The following FAM222B variants were observed in gnomAD, a reference collection of about 807,000 sequenced individuals.
FAM222B encodes family with sequence similarity 222 member B, also known as protein FAM222B.
Under a neutral mutation model 38.0 loss-of-function variants are expected in FAM222B, and 12 were observed. The observed-to-expected ratio is 0.32, with a 90% CI of 0.20 to 0.51. The LOEUF (loss-of-function observed/expected upper bound fraction) is 0.51, where lower values mean the gene tolerates loss of function less well. Among genes scored for constraint, FAM222B ranks in the 20% least tolerant of loss-of-function variants. The pLI, the probability that FAM222B is intolerant of heterozygous loss-of-function variation, is 0.97. For synonymous variants in FAM222B, 329 were observed against 317.2 expected (o/e 1.04, Z -0.40); for missense variants, 716 against 754.2 (o/e 0.95, Z 0.59).
At chr17:28,829,419 AACT>A in intron 1 of FAM222B, among the ~76,000 whole-genome samples, 1 of 145,800 alleles carries the variant, frequency 6.9e-6, no homozygotes, top group Non-Finnish European at 1.5e-5. Flanking sequence ...GATCCGCCCC[AACT>A]CGGCCTCCCA....
At chr17:28,818,460 G>A (rs578016847) in intron 1 of FAM222B, among the ~76,000 whole-genome samples, 7 of 151,502 alleles carry the variant, frequency 4.6e-5, no homozygotes, top group African/African-American at 1.2e-4. Flanking sequence ...CCTGGGAGGC[G>A]GAGCTTGCAG....
Position 28,773,691 on chromosome 17 carries a change from G to C in FAM222B, c.-40-6984C>G, listed in dbSNP as rs1168103526. Among the ~76,000 whole-genome samples the C allele has an allele frequency of 2.6e-5, 4 of 151,844 alleles. No individual in the cohort carries two copies. The South Asian group carries it at 8.3e-4, about 32-fold the overall frequency. ...CATGTGCTTGTAATCCCAGCTACTC[G>C]AGAGGCTGAGGCAGGAGAATCACCT... On this transcript the variant is annotated intron_variant, in intron 1 of 2. Coordinates refer to ENST00000581407, the MANE Select transcript of FAM222B (RefSeq NM_001077498.3).
intron 1 of FAM222B, among the ~76,000 whole-genome samples, chr17:28,824,078 C>T (rs1017599496): frequency 6.6e-6 from 1 of 151,968 alleles, no homozygotes; most frequent in Non-Finnish European, 1.5e-5. Context: ...AGGGTTTCAC[C>T]GTGTTAGCCA....
chr17:28,768,243 A>G (rs1224502967), intron 1 of FAM222B, among the ~76,000 whole-genome samples: 1 of 152,186 alleles, frequency 6.6e-6, no homozygotes, highest in Non-Finnish European at 1.5e-5. Flanking sequence ...CTCAAAAGTT[A>G]AAGACGACAA....
At chr17:28,799,253 G>A (rs1018774618) in intron 1 of FAM222B, among the ~76,000 whole-genome samples, 33 of 149,168 alleles carry the variant, frequency 2.2e-4, no homozygotes, top group African/African-American at 7.6e-4. Flanking sequence ...GATTACAGGT[G>A]TGAGCCACCG....
rs1200553850 is a variant in FAM222B, at chr17:28,759,875, C to A, written c.84G>T (p.Trp28Cys). 1 of 1,521,396 alleles carries A rather than the reference C, an allele frequency of 6.6e-7. No individual in the cohort carries two copies. 94.2% of individuals were successfully genotyped at this position (1,521,396 alleles called of 1,614,324 possible). A position where few individuals can be genotyped will look rare whatever the true frequency, so the allele number is the denominator to read the frequency against. Residue 28 changes from tryptophan to cysteine, a missense_variant and splice_region_variant, in exon 3 of 3, where the codon TGG becomes TGT. Coordinates refer to ENST00000581407, the MANE Select transcript of FAM222B (RefSeq NM_001077498.3). The surrounding 1 kb of genome is among the most constrained non-coding windows in gnomAD (Gnocchi z 4.8). ...HTQMNTGLQK[W>C]DTTQKMRTAH... ...CAGTTCTCATTTTCTGTGTAGTGTC[C>A]CCTAGAGAGAGAGAATGGGAAGGAG...
intron 2 of FAM222B, among the ~76,000 whole-genome samples, chr17:28,763,445 A>G (rs867312249): frequency 6.6e-6 from 1 of 152,254 alleles, no homozygotes; most frequent in Non-Finnish European, 1.5e-5. Flanking sequence ...CTGAGAGTTA[A>G]ATGTAACAGA....
chr17:28,819,724 A>G (rs1325790488), intron 1 of FAM222B, among the ~76,000 whole-genome samples: 1 of 152,212 alleles, frequency 6.6e-6, no homozygotes, highest in Non-Finnish European at 1.5e-5. Context: ...GTTGAAGCCA[A>G]TCCCTAAGCC....
At chr17:28,795,812 C>T (rs570298114) in intron 1 of FAM222B, among the ~76,000 whole-genome samples, 67 of 151,934 alleles carry the variant, frequency 4.4e-4, no homozygotes, top group African/African-American at 1.5e-3. Flanking sequence ...CAGATTGTAC[C>T]TTGCCAATTA....
At chr17:28,779,842 TG>T (rs763794085) in intron 1 of FAM222B, among the ~76,000 whole-genome samples, 117 of 151,904 alleles carry the variant, frequency 7.7e-4, no homozygotes, top group Non-Finnish European at 5.7e-4. Flanking sequence ...CTCAACAAAT[TG>T]GGTATAAAAG....
chr17:28,803,292 G>A (rs1459023678), intron 1 of FAM222B, among the ~76,000 whole-genome samples: 2 of 152,062 alleles, frequency 1.3e-5, no homozygotes, highest in Non-Finnish European at 2.9e-5. Flanking sequence ...ACAGGCATGA[G>A]CCACCGTACC....
At chr17:28,784,475 G>GT (rs1354356200) in intron 1 of FAM222B, among the ~76,000 whole-genome samples, 1 of 85,386 alleles carries the variant, frequency 1.2e-5, no homozygotes, top group Non-Finnish European at 2.2e-5. Context: ...CAACAACAGA[G>GT]TAAGATCCCC....
intron 1 of FAM222B, among the ~76,000 whole-genome samples, chr17:28,825,774 A>AT (rs1439876683): frequency 3.3e-5 from 5 of 152,024 alleles, no homozygotes; most frequent in Non-Finnish European, 7.4e-5. Context: ...ACTGATTTTT[A>AT]TTTATTTTGT....
At chr17:28,830,833 A>G (rs560543398) in intron 1 of FAM222B, among the ~76,000 whole-genome samples, 1 of 149,130 alleles carries the variant, frequency 6.7e-6, no homozygotes. Flanking sequence ...TAAAAAAAAA[A>G]TAAAATAAAA....
intron 1 of FAM222B, among the ~76,000 whole-genome samples, chr17:28,778,877 G>A (rs1229940664): frequency 3.3e-5 from 5 of 150,388 alleles, no homozygotes; most frequent in African/African-American, 9.8e-5. Flanking sequence ...TTTTCATTAC[G>A]TTATATAATA....
chr17:28,833,079 T>C (rs2038721158), intron 1 of FAM222B, among the ~76,000 whole-genome samples: 1 of 150,384 alleles, frequency 6.6e-6, no homozygotes, highest in African/African-American at 2.5e-5. Context: ...TCCCAGCACT[T>C]TGGGAGGCTG....
chr17:28,791,480 C>G (rs2036681998), intron 1 of FAM222B, among the ~76,000 whole-genome samples: 1 of 152,022 alleles, frequency 6.6e-6, no homozygotes, highest in Admixed American at 6.6e-5. Flanking sequence ...CCTACTTCCA[C>G]TCTGTTCTGG....
chr17:28,770,033 A>T (rs2035547617), intron 1 of FAM222B, among the ~76,000 whole-genome samples: 1 of 152,104 alleles, frequency 6.6e-6, no homozygotes, highest in African/African-American at 2.4e-5. Flanking sequence ...CCCTGAACTC[A>T]ACAATTCCTC....
At chr17:28,791,728 C>T (rs1440803225) in intron 1 of FAM222B, among the ~76,000 whole-genome samples, 3 of 138,382 alleles carry the variant, frequency 2.2e-5, no homozygotes, top group South Asian at 2.3e-4. Context: ...AGTGCGATCT[C>T]GGCTCACTAC....
Sources: allele counts gnomAD v4.1 joint callset (sites outside exome capture counted in the v4.1 genomes callset), GRCh38; gene constraint gnomAD v4.1.1; non-coding constraint Gnocchi (gnomAD v3.1); transcripts MANE v1.5; gene names NCBI Gene and HGNC (gene_info 2026-07-23, HGNC 2026-07-21).